The following KDM4C variants were observed in gnomAD, a reference collection of about 807,000 sequenced individuals.
KDM4C encodes lysine-specific demethylase 4C.
A neutral mutation model predicts 129.3 loss-of-function variants in KDM4C; 81 were observed. The observed-to-expected ratio is 0.63, with a 90% CI of 0.52 to 0.75. KDM4C has a LOEUF of 0.75. Ranked by LOEUF, KDM4C falls within the 30% of genes least tolerant of loss-of-function variation. KDM4C has a pLI of 0.00. For synonymous variants in KDM4C, 573 were observed against 456.1 expected, an observed-to-expected ratio of 1.26 and a Z score of -3.26; for missense variants, 1,457 against 1,304.0, an observed-to-expected ratio of 1.12 and a Z score of -1.81.
chr9:7,118,713 A>C (rs1180876602), intron 18 of KDM4C, among the ~76,000 whole-genome samples: 2 of 152,144 alleles, frequency 1.3e-5, no homozygotes, highest in African/African-American at 4.8e-5. Flanking sequence ...TGGTTTCTTC[A>C]CCTGTTCAGC....
At chr9:6,879,471 GTC>G (rs1844106371) in intron 5 of KDM4C, among the ~76,000 whole-genome samples, 1 of 152,094 alleles carries the variant, frequency 6.6e-6, no homozygotes, top group South Asian at 2.1e-4. Context: ...GCTTATTAAA[GTC>G]TGTTTGAAAA....
chr9:6,974,085 A>G (rs918104839), intron 8 of KDM4C, among the ~76,000 whole-genome samples: 1 of 152,124 alleles, frequency 6.6e-6, no homozygotes, highest in African/African-American at 2.4e-5. Flanking sequence ...CTTTTCCCCC[A>G]GTTACTATCC....
At chr9:6,991,699 C>T (rs1000008183) in intron 12 of KDM4C, among the ~76,000 whole-genome samples, 5 of 151,880 alleles carry the variant, frequency 3.3e-5, no homozygotes, top group African/African-American at 9.7e-5. Context: ...AGATTTTTTC[C>T]CCCTTTCACT....
intron 1 of KDM4C, among the ~76,000 whole-genome samples, chr9:6,740,264 T>C (rs905366792): frequency 2.0e-5 from 3 of 151,516 alleles, no homozygotes; most frequent in Admixed American, 6.6e-5. Flanking sequence ...AGTGCAGTGA[T>C]GCAATCTCGT....
rs541098345 is a variant in KDM4C at position 6,835,479 on chromosome 9, C to T, written c.436-14028C>T. On this transcript the variant is annotated intron_variant, in intron 4 of 21. Transcript: ENST00000381309. ...TCAAGCACTCTGTGTGGATTGGCGG[C>T]TCCATCCTGGCCTCGCTGTCCACCT... The T allele has an allele frequency of 2.9e-4, 429 of 1,462,540 alleles. 1 individual carries two copies. The African/African-American group carries it at 5.4e-3, about 18-fold the overall frequency. The allele number at this position is 1,462,540 out of a possible 1,614,324, so 90.6% of individuals were successfully genotyped here.
chr9:7,111,660 G>T (rs1176060029), intron 18 of KDM4C, among the ~76,000 whole-genome samples: 2 of 152,138 alleles, frequency 1.3e-5, no homozygotes, highest in African/African-American at 4.8e-5. Flanking sequence ...TCTGAGGAAG[G>T]CTGAAGAGTT....
intron 18 of KDM4C, among the ~76,000 whole-genome samples, chr9:7,119,361 T>TA (rs1291777697): frequency 1.3e-5 from 2 of 152,234 alleles, no homozygotes; most frequent in Non-Finnish European, 1.5e-5. Context: ...TGGGAAAAGA[T>TA]ACTATTTTCT....
chr9:7,030,482 G>A (rs530006753), intron 15 of KDM4C, among the ~76,000 whole-genome samples: 1 of 152,170 alleles, frequency 6.6e-6, no homozygotes, highest in African/African-American at 2.4e-5. Context: ...TGATGTGTCA[G>A]TGTAGGTTCA....
At chr9:7,056,171 A>G (rs1199066453) in intron 17 of KDM4C, among the ~76,000 whole-genome samples, 2 of 152,160 alleles carry the variant, frequency 1.3e-5, no homozygotes, top group Non-Finnish European at 2.9e-5. Flanking sequence ...ATAGTGAACT[A>G]TTCTAAAGGA....
rs570510490 is a variant in KDM4C at position 7,141,129 on chromosome 9, G to C, written c.2781+12893G>C. 5.9e-5 allele frequency among the ~76,000 whole-genome samples: 9 copies of C among 152,290 alleles called. No homozygotes were observed. In the South Asian group the frequency reaches 8.3e-4, roughly 14 times the overall value. ...TCTTGAGCAGAAGTCAAAGAGATTT[G>C]TTATGAAGTAGGTTTTTTTTGGCTC... On this transcript the variant is annotated intron_variant, in intron 19 of 21. Coordinates refer to ENST00000381309, the MANE Select transcript of KDM4C (RefSeq NM_015061.6).
Position 6,986,554 on chromosome 9 carries a change from G to T in KDM4C, c.1565G>T (p.Gly522Val), listed in dbSNP as rs780120348. Residue 522 changes from glycine to valine, a missense_variant, in exon 11 of 22, where the codon GGT becomes GTT. By Grantham distance (109) the Gly-to-Val change is moderately radical (BLOSUM62 -3). Coordinates refer to ENST00000381309, the MANE Select transcript of KDM4C (RefSeq NM_015061.6). Reference sequence around the variant, plus strand: ...TGCTCATCAGTGGCAGAGAGTAATGGTGTGTTAACAGAGGGAGAAGAGAGT... The same window carrying T: ...TGCTCATCAGTGGCAGAGAGTAATGTTGTGTTAACAGAGGGAGAAGAGAGT... The part of the protein sequence containing the change: ...ESCSSVAESN[G>V]VLTEGEESDV... 14 of 1,614,020 alleles carry T rather than the reference G, an allele frequency of 8.7e-6. No individual in the cohort carries two copies. The highest frequency in any genetic ancestry group is 1.2e-5 in the Non-Finnish European group (14 of 1,180,036).
intron 15 of KDM4C, among the ~76,000 whole-genome samples, chr9:7,027,704 C>T (rs1021675553): frequency 2.6e-5 from 4 of 152,194 alleles, no homozygotes; most frequent in African/African-American, 7.2e-5. Flanking sequence ...GGCCCAGGTG[C>T]GTACTGAGGT....
intron 19 of KDM4C, among the ~76,000 whole-genome samples, chr9:7,161,863 T>A (rs1016812487): frequency 1.1e-4 from 16 of 152,250 alleles, no homozygotes; most frequent in South Asian, 8.3e-4. Context: ...CATTCTTGTT[T>A]AAATTTATAC....
At chr9:7,057,913 C>T (rs1831088046) in intron 17 of KDM4C, among the ~76,000 whole-genome samples, 1 of 152,168 alleles carries the variant, frequency 6.6e-6, no homozygotes, top group African/African-American at 2.4e-5. Context: ...GCACGGACAT[C>T]GCATGTTGAA....
At chr9:7,136,189 T>G (rs894940647) in intron 19 of KDM4C, among the ~76,000 whole-genome samples, 9 of 152,232 alleles carry the variant, frequency 5.9e-5, no homozygotes, top group Non-Finnish European at 2.9e-5. Flanking sequence ...AATGTCCCAT[T>G]TTATAGTATG....
chr9:6,751,555 C>CT (rs1818064580), intron 1 of KDM4C, among the ~76,000 whole-genome samples: 1 of 152,128 alleles, frequency 6.6e-6, no homozygotes, highest in Non-Finnish European at 1.5e-5. Flanking sequence ...ATGGGAAGAT[C>CT]TTGTGGCTAC....
intron 8 of KDM4C, among the ~76,000 whole-genome samples, chr9:6,934,182 T>C (rs1036638485): frequency 2.6e-5 from 4 of 151,348 alleles, no homozygotes; most frequent in African/African-American, 9.7e-5. Flanking sequence ...AAAAAATCAC[T>C]GTAAAAATTA....
In KDM4C at chr9:6,934,188, AATTAAAGTTG is replaced by A. The variant is rs1478032053; in HGVS notation, c.921+40957_921+40966del. ...TGATTGTAAAAAAAATCACTGTAAAAATTAAAGTTGGGGCTGGGCGCGGGGTCTCACGCCG... is the reference window on the plus strand; with the variant it reads ...TGATTGTAAAAAAAATCACTGTAAAAGGGCTGGGCGCGGGGTCTCACGCCG... On this transcript the variant is annotated intron_variant, in intron 8 of 21. Coordinates refer to ENST00000381309, the MANE Select transcript of KDM4C (RefSeq NM_015061.6). Among the ~76,000 whole-genome samples the A allele has an allele frequency of 8.5e-4, 129 of 151,716 alleles. 1 individual carries two copies. Among genetic ancestry groups the A allele is most frequent in the African/African-American group, 3.0e-3 (124 of 41,342 alleles).
At chr9:6,944,060 A>G (rs1266409249) in intron 8 of KDM4C, among the ~76,000 whole-genome samples, 1 of 152,212 alleles carries the variant, frequency 6.6e-6, no homozygotes, top group South Asian at 2.1e-4. Context: ...AAATTTATAT[A>G]TCTTAAATGG....
Sources: allele counts gnomAD v4.1 joint callset (sites outside exome capture counted in the v4.1 genomes callset), GRCh38; gene constraint gnomAD v4.1.1; transcripts MANE v1.5; gene names NCBI Gene and HGNC (gene_info 2026-07-23, HGNC 2026-07-21).